Variants in ECE1 observed in about 807,000 individuals in gnomAD.
The protein encoded by ECE1 is endothelin-converting enzyme 1.
In ECE1, 35 loss-of-function variants were observed where a neutral mutation model predicts 98.6. The ratio of observed to expected loss-of-function variants is 0.35; its 90% CI spans 0.27 to 0.47. The LOEUF (loss-of-function observed/expected upper bound fraction) is 0.47, where lower values mean the gene tolerates loss of function less well. ECE1 is among the 20% of genes least tolerant of loss of function. ECE1 has a pLI of 1.00. For synonymous variants in ECE1, 394 were observed against 407.1 expected, an observed-to-expected ratio of 0.97 and a Z score of 0.39; for missense variants, 814 against 1,025.3, an observed-to-expected ratio of 0.79 and a Z score of 2.81.
intron 2 of ECE1, 96 bp downstream of exon 2, chr1:21,289,974 G>A: frequency 8.0e-7 from 1 of 1,245,732 alleles, no homozygotes; most frequent in Non-Finnish European, 1.0e-6. Context: ...GGGAGGGGAA[G>A]AGGCGGGGTA....
At chr1:21,321,496 G>A (rs551873307) in intron 1 of ECE1, among the ~76,000 whole-genome samples, 1 of 152,312 alleles carries the variant, frequency 6.6e-6, no homozygotes, top group East Asian at 1.9e-4. Flanking sequence ...TGGCCCATGG[G>A]TGCCTTCACA....
intron 2 of ECE1, among the ~76,000 whole-genome samples, chr1:21,289,429 G>A (rs2098264027): frequency 6.6e-6 from 1 of 152,248 alleles, no homozygotes; most frequent in East Asian, 1.9e-4. Context: ...CGGGGGTGGG[G>A]CCCTCCCCAG....
intron 15 of ECE1, 147 bp downstream of exon 15, chr1:21,227,784 G>C: frequency 1.6e-6 from 1 of 637,138 alleles, no homozygotes; most frequent in Non-Finnish European, 2.8e-6. Flanking sequence ...AAGTGGGTGA[G>C]GATGTTGCTT....
chr1:21,318,278 A>C (rs1638876443), intron 1 of ECE1, among the ~76,000 whole-genome samples: 1 of 152,200 alleles, frequency 6.6e-6, no homozygotes, highest in South Asian at 2.1e-4. Flanking sequence ...GCAGGAACTG[A>C]TCAGCGTTCC....
intron 1 of ECE1, among the ~76,000 whole-genome samples, chr1:21,333,539 A>G (rs1189413210): frequency 2.0e-5 from 3 of 152,218 alleles, no homozygotes; most frequent in African/African-American, 7.2e-5. Flanking sequence ...GGTTAGGATG[A>G]CAGAGCCACG....
chr1:21,220,076 G>T lies in ECE1; in HGVS notation c.2192C>A (p.Pro731His). The change falls in exon 19 of 19, where the codon CCC becomes CAC. Residue 731 changes from proline (P) to histidine (H), a missense_variant. Transcript: ENST00000374893. This position sits in a 1 kb window ranked among gnomAD's most constrained non-coding sequence, Gnocchi z 5.0. ...GACCCGGAAGCGAGAGGGGCTGTGG[G>T]GATCGGTGATGAGGCCTTCGTGGGA... ...ESSHEGLITD[P>H]HSPSRFRVIG... 6.2e-7 allele frequency: 1 copy of T among 1,614,178 alleles called. No individual in the cohort carries two copies. The highest frequency in any genetic ancestry group is 8.5e-7 in the Non-Finnish European group (1 of 1,180,020).
At chr1:21,253,025 G>C (rs1255540530) in intron 8 of ECE1, among the ~76,000 whole-genome samples, 1 of 149,382 alleles carries the variant, frequency 6.7e-6, no homozygotes, top group Non-Finnish European at 1.5e-5. Context: ...AGGGGGCCAG[G>C]ACTTCTTTAT....
At chr1:21,227,035 T>C in intron 16 of ECE1, 124 bp downstream of exon 16, 6 of 928,348 alleles carry the variant, frequency 6.5e-6, no homozygotes, top group South Asian at 1.4e-5. Context: ...AATTTTTTTT[T>C]TAGTAGAGAT....
intron 3 of ECE1, among the ~76,000 whole-genome samples, chr1:21,275,322 C>G (rs367842195): frequency 2.0e-5 from 3 of 152,112 alleles, no homozygotes; most frequent in African/African-American, 7.2e-5. Context: ...AGGCCGGGCT[C>G]GGTGGCTCAT....
At chr1:21,244,942 A>C in intron 10 of ECE1, 47 bp downstream of exon 10, 1 of 1,572,014 alleles carries the variant, frequency 6.4e-7, no homozygotes, top group Non-Finnish European at 8.8e-7. Context: ...CCTTGGCATA[A>C]AGTAGGCGCT....
intron 1 of ECE1, among the ~76,000 whole-genome samples, chr1:21,323,567 A>G (rs137890804): frequency 2.6e-5 from 4 of 151,960 alleles, no homozygotes; most frequent in Non-Finnish European, 5.9e-5. Context: ...GAGACTGCAA[A>G]GAGCTGTGAT....
chr1:21,311,593 T>A (rs1486952860), intron 1 of ECE1, among the ~76,000 whole-genome samples: 1 of 149,444 alleles, frequency 6.7e-6, no homozygotes, highest in African/African-American at 2.5e-5. Flanking sequence ...GGTGGGAGGA[T>A]CGCTTGAGCT....
rs911000392 is a variant in ECE1, at chr1:21,330,621, A to G, written c.3+14755T>C. Among the ~76,000 whole-genome samples the G allele has an allele frequency of 4.6e-5, 7 of 152,148 alleles. No homozygotes were observed. In the East Asian group the frequency reaches 1.3e-3, roughly 29 times the overall value. ...GCTCCTGGAAGGCACAGACACTGCC[A>G]TGCCTGGCACAGGAAACGTACTCAG... On this transcript the variant is annotated intron_variant, in intron 1 of 18. Coordinates refer to the ECE1 transcript ENST00000415912.
intron 10 of ECE1, among the ~76,000 whole-genome samples, chr1:21,240,354 G>A (rs2098194479): frequency 6.6e-6 from 1 of 151,966 alleles, no homozygotes; most frequent in Admixed American, 6.6e-5. Context: ...GGGTGTGGTG[G>A]TAGGCACCTG....
intron 1 of ECE1, among the ~76,000 whole-genome samples, chr1:21,334,673 G>A (rs991863124): frequency 6.6e-6 from 1 of 152,190 alleles, no homozygotes; most frequent in Non-Finnish European, 1.5e-5. Context: ...CCGGAAGGCT[G>A]AGTTGAAGTG....
At chr1:21,224,644 T>C (rs931211818) in intron 17 of ECE1, among the ~76,000 whole-genome samples, 8 of 152,124 alleles carry the variant, frequency 5.3e-5, no homozygotes, top group Middle Eastern at 3.2e-3. Flanking sequence ...TTAATCTCTC[T>C]GACAGACACC....
chr1:21,251,988 C>T (rs2098213449), intron 8 of ECE1, among the ~76,000 whole-genome samples: 1 of 152,212 alleles, frequency 6.6e-6, no homozygotes, highest in Non-Finnish European at 1.5e-5. Context: ...GTGAGATCCT[C>T]AAATAGGGTT....
chr1:21,323,239 G>A (rs1286530650), intron 1 of ECE1, among the ~76,000 whole-genome samples: 1 of 152,140 alleles, frequency 6.6e-6, no homozygotes, highest in Non-Finnish European at 1.5e-5. Context: ...TGACCTTGAG[G>A]GCGTAGGTGG....
At chr1:21,267,520 C>T (rs562667430) in intron 4 of ECE1, among the ~76,000 whole-genome samples, 5 of 152,226 alleles carry the variant, frequency 3.3e-5, no homozygotes, top group East Asian at 1.9e-4. Flanking sequence ...GGGAAAGAGC[C>T]GCCCCCGTGA....
Sources: allele counts gnomAD v4.1 joint callset (sites outside exome capture counted in the v4.1 genomes callset), GRCh38; gene constraint gnomAD v4.1.1; non-coding constraint Gnocchi (gnomAD v3.1); transcripts MANE v1.5; gene names NCBI Gene and HGNC (gene_info 2026-07-23, HGNC 2026-07-21).